Variants in OTOGL observed in about 807,000 individuals in gnomAD.
OTOGL encodes otogelin like.
OTOGL carries 285 observed loss-of-function variants against 318.5 expected under a neutral mutation model. The observed-to-expected ratio is 0.89, with a 90% CI of 0.81 to 0.99. The LOEUF (loss-of-function observed/expected upper bound fraction) is 0.99, where lower values mean the gene tolerates loss of function less well. OTOGL is among the 50% of genes least tolerant of loss of function. The pLI, the probability that OTOGL is intolerant of heterozygous loss-of-function variation, is 0.00. For missense variants in OTOGL, 2,899 were observed against 2,845.6 expected (o/e 1.02, Z -0.43); for synonymous variants, 987 against 936.5 (o/e 1.05, Z -0.99).
At chr12:80,103,777 C>T (rs1869287662) in intron 1 of OTOGL, among the ~76,000 whole-genome samples, 1 of 152,090 alleles carries the variant, frequency 6.6e-6, no homozygotes, top group Non-Finnish European at 1.5e-5. Flanking sequence ...TCTAAAAATG[C>T]CTATACCTTT....
At chr12:80,355,285 A>G (rs6539499) in intron 46 of OTOGL, among the ~76,000 whole-genome samples, 17,835 of 135,128 alleles carry the variant, frequency 0.13, 2,547 homozygotes, top group African/African-American at 0.37. Flanking sequence ...GCTTGAGTAC[A>G]GTGGTCATAG....
chr12:80,109,191 T>G (rs1241554270), intron 1 of OTOGL, among the ~76,000 whole-genome samples: 2 of 151,918 alleles, frequency 1.3e-5, no homozygotes, highest in African/African-American at 4.8e-5. Flanking sequence ...GAAACAAAAA[T>G]CTGAAACTAA....
intron 3 of OTOGL, among the ~76,000 whole-genome samples, 186 bp from the exon 4 acceptor site, chr12:80,211,763 A>C (rs1343857331): frequency 6.6e-6 from 1 of 152,192 alleles, no homozygotes; most frequent in Non-Finnish European, 1.5e-5. Flanking sequence ...AAAATGAGAC[A>C]GCACCACCAC....
intron 32 of OTOGL, among the ~76,000 whole-genome samples, chr12:80,315,842 C>T (rs1381403915): frequency 6.6e-6 from 1 of 151,910 alleles, no homozygotes; most frequent in Non-Finnish European, 1.5e-5. Flanking sequence ...AAATTATGTC[C>T]TGTTCAAGAT....
chr12:80,256,778 G>C (rs1189060895), intron 17 of OTOGL, among the ~76,000 whole-genome samples: 2 of 152,116 alleles, frequency 1.3e-5, no homozygotes, highest in Non-Finnish European at 2.9e-5. Context: ...AGCTCACTCA[G>C]CTCTGGAGAG....
intron 44 of OTOGL, chr12:80,343,509 G>GTTTTTTTTTTTTTTTTTTTTTT (rs58046272): frequency 8.4e-5 from 3 of 35,868 alleles, no homozygotes; most frequent in African/African-American, 3.3e-4. Flanking sequence ...TTTTATTCTT[G>GTTTTTTTTTTTTTTTTTTTTTT]TTTTTTTTTT....
At chr12:80,345,340 A>C (rs1413975712) in intron 44 of OTOGL, among the ~76,000 whole-genome samples, 1 of 150,820 alleles carries the variant, frequency 6.6e-6, no homozygotes, top group Non-Finnish European at 1.5e-5. Context: ...GATTCAAGTG[A>C]TTCTCCTGCC....
chr12:80,180,102 C>A (rs1032529507), intron 1 of OTOGL, among the ~76,000 whole-genome samples: 27 of 152,140 alleles, frequency 1.8e-4, no homozygotes, highest in Middle Eastern at 3.4e-3. Flanking sequence ...GATGAACCTG[C>A]AGATTGCTAC....
chr12:80,135,653 T>C (rs950707722), intron 1 of OTOGL, among the ~76,000 whole-genome samples: 17 of 152,302 alleles, frequency 1.1e-4, no homozygotes, highest in African/African-American at 3.6e-4. Context: ...TATTTTCTAT[T>C]TCAATATCTG....
intron 44 of OTOGL, chr12:80,343,529 T>TTTC (rs1888961830): frequency 7.1e-6 from 1 of 140,588 alleles, no homozygotes; most frequent in African/African-American, 2.6e-5. Context: ...TTTTTTTTTT[T>TTTC]TTTTTTTAAC....
At chr12:80,125,012 T>G (rs914646703) in intron 1 of OTOGL, among the ~76,000 whole-genome samples, 19 of 152,204 alleles carry the variant, frequency 1.2e-4, no homozygotes, top group African/African-American at 4.6e-4. Flanking sequence ...CCTCTTTTCC[T>G]AATTGAATAC....
intron 44 of OTOGL, among the ~76,000 whole-genome samples, chr12:80,347,655 G>A (rs1889280633): frequency 6.6e-6 from 1 of 152,036 alleles, no homozygotes; most frequent in Non-Finnish European, 1.5e-5. Flanking sequence ...GGATTGCTGG[G>A]TCAAATGGTA....
intron 1 of OTOGL, among the ~76,000 whole-genome samples, chr12:80,181,310 G>T (rs1212213364): frequency 6.7e-6 from 1 of 149,290 alleles, no homozygotes; most frequent in African/African-American, 2.5e-5. Context: ...CCTGTATTTA[G>T]ATTTTTCTTT....
chr12:80,187,019 A>T (rs1875341950), intron 1 of OTOGL, among the ~76,000 whole-genome samples: 1 of 152,196 alleles, frequency 6.6e-6, no homozygotes, highest in African/African-American at 2.4e-5. Context: ...AAAGAAGATA[A>T]AATTCTGTAT....
At chr12:80,269,284 G>A (rs1883229694) in intron 22 of OTOGL, among the ~76,000 whole-genome samples, 1 of 152,180 alleles carries the variant, frequency 6.6e-6, no homozygotes, top group Non-Finnish European at 1.5e-5. Flanking sequence ...GAGAACTAAT[G>A]TGTTGTTTTC....
intron 1 of OTOGL, among the ~76,000 whole-genome samples, chr12:80,169,483 A>G (rs551006537): frequency 1.1e-4 from 16 of 152,334 alleles, no homozygotes; most frequent in Admixed American, 7.2e-4. Context: ...CACACATTCT[A>G]TAGTCCTAAC....
At chr12:80,230,285 C>A (rs565855943) in intron 8 of OTOGL, among the ~76,000 whole-genome samples, 1 of 152,096 alleles carries the variant, frequency 6.6e-6, no homozygotes, top group African/African-American at 2.4e-5. Context: ...ACCAGGGGAG[C>A]CTTGAAACAG....
intron 27 of OTOGL, among the ~76,000 whole-genome samples, chr12:80,299,090 T>G (rs1885594504): frequency 6.6e-6 from 1 of 152,120 alleles, no homozygotes; most frequent in Admixed American, 6.5e-5. Flanking sequence ...AAAACAAAAT[T>G]GACATTTTCA....
chr12:80,233,031 G>A lies in OTOGL; in HGVS notation c.751G>A (p.Gly251Arg). ...IYLKLSEDHK[G>R]KSCGLCGNYN... is the part of the protein sequence containing the mutation. ...CCTCAAGCTGTCTGAGGACCATAAGGGGAAATCATGTGGCCTATGTGGAAA... is the reference window on the plus strand; with the variant it reads ...CCTCAAGCTGTCTGAGGACCATAAGAGGAAATCATGTGGCCTATGTGGAAA... Residue 251 changes from glycine (G) to arginine (R), a missense_variant, in exon 9 of 59, where the codon GGG (glycine) becomes AGG (arginine). Physicochemically the swap from Gly to Arg is moderately radical, Grantham distance 125. Coordinates refer to ENST00000547103, the MANE Select transcript of OTOGL (RefSeq NM_001378609.3). 1.9e-6 allele frequency: 3 copies of A among 1,598,692 alleles called. No homozygotes were observed. The highest frequency in any genetic ancestry group is 2.5e-6 in the Non-Finnish European group (3 of 1,179,124).
Sources: allele counts gnomAD v4.1 joint callset (sites outside exome capture counted in the v4.1 genomes callset), GRCh38; gene constraint gnomAD v4.1.1; transcripts MANE v1.5; gene names NCBI Gene and HGNC (gene_info 2026-07-23, HGNC 2026-07-21).